Variants in PCDHGB1 observed in about 807,000 individuals in gnomAD.
The protein encoded by PCDHGB1 is protocadherin gamma subfamily B, 1, also known as protocadherin gamma-B1.
In PCDHGB1, 34 loss-of-function variants were observed where a neutral mutation model predicts 56.6. The observed-to-expected ratio is 0.60, with a 90% confidence interval of 0.46 to 0.80. PCDHGB1 has a LOEUF of 0.80. Ranked by LOEUF, PCDHGB1 falls within the 30% of genes least tolerant of loss-of-function variation. PCDHGB1 has a pLI of 0.00. For missense variants in PCDHGB1, 1,278 were observed against 1,204.6 expected (o/e 1.06, Z -0.90); for synonymous variants, 561 against 505.9 (o/e 1.11, Z -1.46).
At chr5:141,397,693 A>G (rs1389804077) in intron 1 of PCDHGB1, among the ~76,000 whole-genome samples, 2 of 152,244 alleles carry the variant, frequency 1.3e-5, no homozygotes, top group East Asian at 1.9e-4. Flanking sequence ...TTGTATAAAA[A>G]CCCAACGTGA....
intron 1 of PCDHGB1, chr5:141,361,481 C>T (rs1561523775): frequency 6.2e-7 from 1 of 1,614,042 alleles, no homozygotes; most frequent in Non-Finnish European, 8.5e-7. Context: ...AACGATAATG[C>T]CCCAGTTTTC....
intron 1 of PCDHGB1, chr5:141,383,383 G>A: frequency 6.2e-7 from 1 of 1,614,036 alleles, no homozygotes; most frequent in Non-Finnish European, 8.5e-7. Flanking sequence ...GGATCCAGAT[G>A]TGGGCACGAA....
chr5:141,389,838 C>T (rs1156714079), intron 1 of PCDHGB1: 3 of 1,614,028 alleles, frequency 1.9e-6, no homozygotes, highest in Non-Finnish European at 2.5e-6. Context: ...ACAGCCACCA[C>T]TCTCGGCCAC....
At chr5:141,423,761 TG>T in intron 1 of PCDHGB1, 1 of 156,420 alleles carries the variant, frequency 6.4e-6, no homozygotes, top group Non-Finnish European at 9.2e-6. Context: ...GGGGGGGGGG[TG>T]GGGCGGCATA....
chr5:141,510,272 TAAA>T (rs546154379), intron 3 of PCDHGB1, among the ~76,000 whole-genome samples: 2 of 130,370 alleles, frequency 1.5e-5, no homozygotes, highest in Non-Finnish European at 3.3e-5. Context: ...GACTCCATCT[TAAA>T]AAAAAAAAAA....
chr5:141,511,062 C>T lies in PCDHGB1; in HGVS notation c.2673C>T (p.Tyr891=), dbSNP rs775583963. The change falls in exon 4 of 4, where the codon TAC becomes TAT. Residue 891 remains tyrosine, a synonymous_variant. Transcript: ENST00000523390. ...TGCCCGACTACCGCCAGAATGTCTACATCCCAGGCAGCAATGCCACACTGA... is the reference window on the plus strand; with the variant it reads ...TGCCCGACTACCGCCAGAATGTCTATATCCCAGGCAGCAATGCCACACTGA... ...QHVPDYRQNV[Y]IPGSNATLTN... The T allele has an allele frequency of 6.2e-7, 1 of 1,614,246 alleles. No homozygotes were observed. The highest frequency in any genetic ancestry group is 1.3e-5 in the African/African-American group (1 of 75,064).
At chr5:141,418,095 C>A (rs1246996867) in intron 1 of PCDHGB1, 1 of 1,614,006 alleles carries the variant, frequency 6.2e-7, no homozygotes, top group Middle Eastern at 1.7e-4. Context: ...AGCGTAGACG[C>A]GCAGAGCGGG....
Position 141,350,305 on chromosome 5 carries a change from G to C in PCDHGB1, c.45G>C (p.Leu15=). 1 of 1,521,886 alleles carries C rather than the reference G, an allele frequency of 6.6e-7. No homozygotes were observed. Among genetic ancestry groups the C allele is most frequent in the South Asian group, 1.3e-5 (1 of 74,764 alleles). The allele number at this position is 1,521,886 out of a possible 1,614,324, so 94.3% of individuals were successfully genotyped here. A position where few individuals can be genotyped will look rare whatever the true frequency, so the allele number is the denominator to read the frequency against. The change falls in exon 1 of 4, where the codon CTG becomes CTC. Residue 15 remains leucine (L), a synonymous_variant. Coordinates refer to ENST00000523390, the MANE Select transcript of PCDHGB1 (RefSeq NM_018922.3). The part of the protein sequence containing the change: ...REAEMMKSQV[L]FPFLLSLFCG... The stretch of plus-strand genomic sequence containing the variant: ...CCGAAATGATGAAAAGTCAGGTACT[G>C]TTTCCCTTCCTGCTGTCTTTGTTCT...
intron 1 of PCDHGB1, among the ~76,000 whole-genome samples, chr5:141,447,493 T>A (rs538320272): frequency 3.3e-5 from 5 of 152,186 alleles, no homozygotes; most frequent in East Asian, 1.9e-4. Flanking sequence ...AGAAGGAATG[T>A]TTAGGATAAA....
At chr5:141,362,958 G>GA (rs1467174022) in intron 1 of PCDHGB1, among the ~76,000 whole-genome samples, 3 of 152,188 alleles carry the variant, frequency 2.0e-5, no homozygotes, top group Admixed American at 6.5e-5. Context: ...TGGAAATTGG[G>GA]AAACAAAGAA....
In PCDHGB1 at chr5:141,351,798, A is replaced by G; in HGVS notation, c.1538A>G (p.Gln513Arg). ...VSPQSGVVFAQRAFDHEQLRA... is the reference protein window; with the variant it reads ...VSPQSGVVFARRAFDHEQLRA... ...CCGCAGAGCGGGGTGGTGTTCGCGC[A>G]GCGCGCCTTCGACCACGAGCAGCTG... The change falls in exon 1 of 4, where the codon CAG (glutamine) becomes CGG (arginine). Residue 513 changes from glutamine to arginine, a missense_variant. Transcript: ENST00000523390. The G allele has an allele frequency of 1.2e-6, 2 of 1,613,318 alleles. No individual in the cohort carries two copies. Among genetic ancestry groups the G allele is most frequent in the Non-Finnish European group, 8.5e-7 (1 of 1,179,884 alleles).
At position 141,383,329 on chromosome 5, in the gene PCDHGB1, G is replaced by A. The variant is rs143729030; in HGVS notation, c.2409+30660G>A. 347 of 1,613,980 alleles carry A rather than the reference G, an allele frequency of 2.1e-4. 3 individuals are homozygous for A. The East Asian group carries it at 5.6e-3, about 26-fold the overall frequency. On this transcript the variant is annotated intron_variant, in intron 1 of 3. Transcript: ENST00000523390. ...GGAAGAAATAAATGTAAAAATAATG[G>A]AGAATACAGCTCCTGGGGTTCGGTT...
chr5:141,376,483 G>C (rs139873493), intron 1 of PCDHGB1: 3 of 1,614,058 alleles, frequency 1.9e-6, no homozygotes, highest in East Asian at 2.2e-5. Context: ...TACTTGAAAC[G>C]AAAGGAGAAC....
intron 1 of PCDHGB1, chr5:141,400,341 C>A (rs754175136): frequency 6.2e-7 from 1 of 1,614,070 alleles, no homozygotes; most frequent in African/African-American, 1.3e-5. Flanking sequence ...TTCCCCCCAA[C>A]TACAGTCAGG....
intron 1 of PCDHGB1, chr5:141,412,306 A>G (rs1160364599): frequency 1.3e-5 from 2 of 152,238 alleles, no homozygotes; most frequent in Non-Finnish European, 2.9e-5. Flanking sequence ...TCTCATTACA[A>G]TGCAAACAGT....
chr5:141,429,379 T>G (rs573911129), intron 1 of PCDHGB1, among the ~76,000 whole-genome samples: 5 of 151,382 alleles, frequency 3.3e-5, no homozygotes, highest in East Asian at 1.9e-4. Context: ...GAAAATGTGT[T>G]TTTTTTTTAA....
At chr5:141,374,459 A>T (rs764751595) in intron 1 of PCDHGB1, 1 of 1,613,448 alleles carries the variant, frequency 6.2e-7, no homozygotes, top group South Asian at 1.1e-5. Context: ...AATAGTGGAC[A>T]TTAATGACAA....
chr5:141,457,410 C>G (rs746966828), intron 1 of PCDHGB1, among the ~76,000 whole-genome samples: 1 of 152,182 alleles, frequency 6.6e-6, no homozygotes, highest in Non-Finnish European at 1.5e-5. Context: ...TTTCACATTA[C>G]CCATCCCTTT....
chr5:141,473,299 G>T (rs182316672), intron 1 of PCDHGB1, among the ~76,000 whole-genome samples: 5 of 152,228 alleles, frequency 3.3e-5, no homozygotes, highest in Admixed American at 1.3e-4. Flanking sequence ...GTAGCATAAA[G>T]ATTGCTATAT....
Sources: gnomAD v4.1 joint callset for allele counts (sites outside exome capture counted in the v4.1 genomes callset) on GRCh38, gnomAD v4.1.1 for gene constraint, MANE v1.5 for transcripts, NCBI Gene and HGNC (gene_info 2026-07-23, HGNC 2026-07-21) for gene names.